LRBA: variants seen among roughly 807,000 people sequenced by gnomAD.
LRBA encodes lipopolysaccharide-responsive and beige-like anchor protein.
LRBA carries 176 observed loss-of-function variants against 330.0 expected under a neutral mutation model. The ratio of observed to expected loss-of-function variants is 0.53; its 90% CI spans 0.47 to 0.60. The LOEUF is 0.60. Ranked by LOEUF, LRBA falls within the 20% of genes least tolerant of loss-of-function variation. The pLI is 0.00. For missense variants in LRBA, 3,259 were observed against 3,444.8 expected (o/e 0.95, Z 1.35); for synonymous variants, 1,230 against 1,193.0 (o/e 1.03, Z -0.64).
chr4:151,008,988 A>AAAAAATATAT (rs1554018903), intron 2 of LRBA, among the ~76,000 whole-genome samples: 1 of 5,534 alleles, frequency 1.8e-4, no homozygotes, highest in African/African-American at 4.6e-4. Flanking sequence ...AAAAAAAAAA[A>AAAAAATATAT]ATATATATAT....
At chr4:150,971,157 G>C (rs1019911502) in intron 2 of LRBA, among the ~76,000 whole-genome samples, 1 of 152,174 alleles carries the variant, frequency 6.6e-6, no homozygotes, top group Non-Finnish European at 1.5e-5. Context: ...AACCCTTAGA[G>C]GCAATGTATT....
At chr4:150,836,206 T>C (rs1421801085) in intron 28 of LRBA, among the ~76,000 whole-genome samples, 8 of 152,240 alleles carry the variant, frequency 5.3e-5, no homozygotes, top group Non-Finnish European at 7.3e-5. Flanking sequence ...GGTTTGCCAG[T>C]ATTTTAGTGA....
At chr4:150,412,099 A>T in intron 47 of LRBA, among the ~76,000 whole-genome samples, 1 of 152,292 alleles carries the variant, frequency 6.6e-6, no homozygotes, top group East Asian at 1.9e-4. Flanking sequence ...ATAAAGGCAC[A>T]TATATGTAAA....
chr4:150,444,284 C>G (rs1752297560), intron 44 of LRBA, among the ~76,000 whole-genome samples: 1 of 151,914 alleles, frequency 6.6e-6, no homozygotes, highest in Non-Finnish European at 1.5e-5. Context: ...CCTTAATTTT[C>G]TGTGTTGCTG....
chr4:150,618,871 T>TATATATATAC (rs1409249658), intron 37 of LRBA, among the ~76,000 whole-genome samples: 1 of 130,822 alleles, frequency 7.6e-6, no homozygotes, highest in African/African-American at 2.6e-5. Flanking sequence ...TATATATATA[T>TATATATATAC]ACACACATAC....
At chr4:150,529,169 A>G (rs530779988) in intron 40 of LRBA, among the ~76,000 whole-genome samples, 1 of 152,312 alleles carries the variant, frequency 6.6e-6, no homozygotes, top group Non-Finnish European at 1.5e-5. Flanking sequence ...AGAATCGACC[A>G]GTTTCCCAAA....
chr4:150,986,291 T>C (rs1741456428), intron 2 of LRBA, among the ~76,000 whole-genome samples: 1 of 152,116 alleles, frequency 6.6e-6, no homozygotes, highest in Non-Finnish European at 1.5e-5. Flanking sequence ...CAGCGGGAGA[T>C]GAACGGCAGG....
At chr4:150,917,557 T>G (rs1732770014) in intron 5 of LRBA, among the ~76,000 whole-genome samples, 2 of 152,196 alleles carry the variant, frequency 1.3e-5, no homozygotes, top group Non-Finnish European at 2.9e-5. Flanking sequence ...ACAAATGGCT[T>G]TACCGCTTGG....
At chr4:150,369,763 C>G (rs1310598710) in intron 47 of LRBA, among the ~76,000 whole-genome samples, 2 of 152,152 alleles carry the variant, frequency 1.3e-5, no homozygotes. Context: ...TCTACCTCTT[C>G]TGAAATGCTT....
chr4:150,287,432 T>C (rs1346262967), intron 53 of LRBA, among the ~76,000 whole-genome samples: 1 of 152,228 alleles, frequency 6.6e-6, no homozygotes, highest in Non-Finnish European at 1.5e-5. Flanking sequence ...CAGAGGTCCA[T>C]GAACAAGAAA....
At chr4:150,505,304 T>C (rs1760902444) in intron 40 of LRBA, among the ~76,000 whole-genome samples, 1 of 152,098 alleles carries the variant, frequency 6.6e-6, no homozygotes, top group African/African-American at 2.4e-5. Flanking sequence ...ACCACACCTA[T>C]TCCAAAATTG....
intron 36 of LRBA, among the ~76,000 whole-genome samples, chr4:150,701,724 T>C (rs765919466): frequency 3.9e-5 from 6 of 152,160 alleles, no homozygotes; most frequent in Admixed American, 6.6e-5. Flanking sequence ...AAAACCGCCA[T>C]GGTAGTAGAT....
rs536838922 is a variant in LRBA, at chr4:150,784,731, A to G, written c.5580+13350T>C. Among the ~76,000 whole-genome samples, 6 of 151,624 alleles carry G rather than the reference A, an allele frequency of 4.0e-5. No homozygotes were observed. In the South Asian group the frequency reaches 1.3e-3, roughly 32 times the overall value. ...CCTTCCTTCTTTCTTTCCCCTTTCT[A>G]TCTTGCCTATTAAACTCTCTGCTCC... On this transcript the variant is annotated intron_variant, in intron 34 of 56. Coordinates refer to ENST00000651943, the MANE Select transcript of LRBA (RefSeq NM_001364905.1).
At chr4:150,760,600 A>G (rs958526634) in intron 35 of LRBA, among the ~76,000 whole-genome samples, 3 of 151,800 alleles carry the variant, frequency 2.0e-5, no homozygotes, top group Non-Finnish European at 4.4e-5. Context: ...ACACCTTCCC[A>G]CATTACAATG....
intron 2 of LRBA, among the ~76,000 whole-genome samples, chr4:150,979,709 A>T (rs958745676): frequency 6.6e-6 from 1 of 152,196 alleles, no homozygotes; most frequent in Non-Finnish European, 1.5e-5. Flanking sequence ...AAGTTATAAG[A>T]TAGTATTTGC....
At chr4:150,349,912 G>A (rs1286589685) in intron 48 of LRBA, 80 bp downstream of exon 48, 3 of 1,224,090 alleles carry the variant, frequency 2.5e-6, no homozygotes, top group South Asian at 2.7e-5. Context: ...TAAAATCAAA[G>A]GATGGGGGAG....
intron 51 of LRBA, chr4:150,311,289 G>C (rs1169093371): frequency 6.6e-6 from 1 of 152,124 alleles, no homozygotes; most frequent in Non-Finnish European, 1.5e-5. Flanking sequence ...TCCAGTACAA[G>C]TAAGGATTCT....
At chr4:150,611,971 C>T (rs774114416) in intron 37 of LRBA, among the ~76,000 whole-genome samples, 6 of 152,088 alleles carry the variant, frequency 3.9e-5, no homozygotes, top group African/African-American at 7.2e-5. Flanking sequence ...GGCACAATCA[C>T]GGTTCACTGC....
intron 40 of LRBA, among the ~76,000 whole-genome samples, chr4:150,536,916 T>G (rs1561318343): frequency 6.6e-6 from 1 of 152,176 alleles, no homozygotes; most frequent in Non-Finnish European, 1.5e-5. Flanking sequence ...CCAAAGCAAT[T>G]TACACATTCA....
Sources: allele counts gnomAD v4.1 joint callset (sites outside exome capture counted in the v4.1 genomes callset), GRCh38; gene constraint gnomAD v4.1.1; transcripts MANE v1.5; gene names NCBI Gene and HGNC (gene_info 2026-07-23, HGNC 2026-07-21).